ZMYND19: variants seen among roughly 807,000 people sequenced by gnomAD.
ZMYND19 encodes the protein zinc finger MYND-type containing 19.
Under a neutral mutation model 32.0 loss-of-function variants are expected in ZMYND19, and 17 were observed. That is an observed-to-expected ratio of 0.53 (90% CI 0.36 to 0.80). ZMYND19 has a LOEUF of 0.80. Ranked by LOEUF, ZMYND19 falls within the 30% of genes least tolerant of loss-of-function variation. The pLI is 0.00. For missense variants in ZMYND19, 250 were observed against 293.6 expected (o/e 0.85, Z 1.09); for synonymous variants, 124 against 113.6 (o/e 1.09, Z -0.58).
At chr9:137,585,427 A>G (rs923386335) in intron 4 of ZMYND19, among the ~76,000 whole-genome samples, 30 of 146,162 alleles carry the variant, frequency 2.1e-4, no homozygotes, top group African/African-American at 6.8e-4. Context: ...AAAAAAAAAA[A>G]AAAAAAAATG....
rs1842222898 is a variant in ZMYND19, at chr9:137,587,794, A to G, written c.141T>C (p.Asn47=). 1 of 1,614,036 alleles carries G rather than the reference A, an allele frequency of 6.2e-7. No individual in the cohort carries two copies. Among genetic ancestry groups the G allele is most frequent in the African/African-American group, 1.3e-5 (1 of 74,938 alleles). ...EARMEVDADG[N]GAKIFAYAFD... ...AGGCATAGGCAAATATCTTAGCACC[A>G]TTTCCATCTGCATCCACTTCCATTC... The change falls in exon 3 of 6, where the codon AAT becomes AAC. Residue 47 remains asparagine (N), a synonymous_variant. Transcript: ENST00000298585.
intron 3 of ZMYND19, 143 bp downstream of exon 3, chr9:137,587,574 G>T: frequency 1.4e-6 from 1 of 728,454 alleles, no homozygotes; most frequent in Non-Finnish European, 2.4e-6. Context: ...TTGGGTTAGT[G>T]GTGAAGGACA....
At chr9:137,586,449 G>A (rs576968546) in intron 4 of ZMYND19, among the ~76,000 whole-genome samples, 8 of 151,462 alleles carry the variant, frequency 5.3e-5, no homozygotes, top group South Asian at 2.1e-4. Flanking sequence ...AAGGAATCCC[G>A]AGGTGAGGAG....
Position 137,590,245 on chromosome 9 carries a change from C to A in ZMYND19, c.19G>T (p.Gly7Cys). ...GCCACCCGGCCGAGCCGCACGATAC[C>A]CAATTTGAAGTCGGTCATGGCCGGG... is the stretch of plus-strand genomic sequence containing the variant. MTDFKL[G>C]IVRLGRVAGK... Residue 7 changes from glycine to cysteine, a missense_variant, in exon 1 of 6, where the codon GGT (glycine) becomes TGT (cysteine). Gly to Cys is a radical substitution (Grantham distance 159). Transcript: ENST00000298585. This position sits in a 1 kb window ranked among gnomAD's most constrained non-coding sequence, Gnocchi z 4.2. 8.6e-7 allele frequency: 1 copy of A among 1,157,616 alleles called. No homozygotes were observed. Among genetic ancestry groups the A allele is most frequent in the Non-Finnish European group, 1.1e-6 (1 of 923,974 alleles). 71.7% of individuals were successfully genotyped at this position (1,157,616 alleles called of 1,614,324 possible).
intron 4 of ZMYND19, among the ~76,000 whole-genome samples, chr9:137,584,994 G>A (rs899683510): frequency 2.4e-4 from 36 of 152,094 alleles, no homozygotes; most frequent in Admixed American, 2.6e-4. Context: ...CATAATCCCC[G>A]AAAGAATAAA....
chr9:137,582,975 A>G lies in ZMYND19; in HGVS notation c.540+8T>C. ...GCCAGGGACGCGACCGCACTGCAGC[A>G]CACCCACCTGCTTCTCAATCACTGT... On this transcript the variant is annotated splice_region_variant and intron_variant, in intron 5 of 5. Transcript: ENST00000298585. The G allele has an allele frequency of 1.2e-6, 2 of 1,613,910 alleles. No individual in the cohort carries two copies. Among genetic ancestry groups the G allele is most frequent in the Middle Eastern group, 1.7e-4 (1 of 6,040 alleles).
rs1842160588 is a variant in ZMYND19, at chr9:137,582,680, C to G, written c.547G>C (p.Glu183Gln). Residue 183 changes from glutamate (E) to glutamine (Q), a missense_variant, in exon 6 of 6, where the codon GAG becomes CAG. Around this residue, in one of 2 missense-constraint regions of ZMYND19, gnomAD observed 38 missense variants for 74.9 expected, o/e 0.51. Coordinates refer to ENST00000298585, the MANE Select transcript of ZMYND19 (RefSeq NM_138462.3). The part of the protein sequence containing the change: ...PCTVIEKQLR[E>Q]FNICGRCQVA... Reference sequence around the variant, plus strand: ...TGGCAGCGCCCACAGATGTTGAACTCCCGGAGCTGAAATACAGAACACCTG... The same window carrying G: ...TGGCAGCGCCCACAGATGTTGAACTGCCGGAGCTGAAATACAGAACACCTG... 1.9e-6 allele frequency: 3 copies of G among 1,612,632 alleles called. No homozygotes were observed. Among genetic ancestry groups the G allele is most frequent in the Non-Finnish European group, 2.5e-6 (3 of 1,179,916 alleles).
chr9:137,583,761 C>G (rs1472535426), intron 4 of ZMYND19, among the ~76,000 whole-genome samples: 1 of 152,218 alleles, frequency 6.6e-6, no homozygotes, highest in Admixed American at 6.5e-5. Flanking sequence ...TTGGTTAAAA[C>G]GGGGAAGGAT....
At chr9:137,584,271 T>C (rs904805671) in intron 4 of ZMYND19, among the ~76,000 whole-genome samples, 1 of 152,202 alleles carries the variant, frequency 6.6e-6, no homozygotes, top group African/African-American at 2.4e-5. Flanking sequence ...CAGGCCCACC[T>C]CCTGTAGCAG....
intron 1 of ZMYND19, chr9:137,589,601 A>C (rs1374123212): frequency 3.0e-6 from 3 of 985,326 alleles, no homozygotes; most frequent in African/African-American, 1.7e-5. Flanking sequence ...GGGCCAAGTA[A>C]GAAGAGAAGT....
intron 1 of ZMYND19, chr9:137,589,376 T>C: frequency 1.0e-6 from 1 of 985,428 alleles, no homozygotes; most frequent in Non-Finnish European, 1.2e-6. Flanking sequence ...CTTGGCAGTT[T>C]TTCTTCTGGG....
intron 1 of ZMYND19, chr9:137,589,423 C>T: frequency 1.0e-6 from 1 of 985,462 alleles, no homozygotes; most frequent in Non-Finnish European, 1.2e-6. Flanking sequence ...CCTGACACTG[C>T]CTCGGCTCCT....
rs753555779 is a variant in ZMYND19, at chr9:137,582,149, G to A, written c.*394C>T. 8.9e-5 allele frequency: 15 copies of A among 167,734 alleles called. No individual in the cohort carries two copies. Among genetic ancestry groups the A allele is most frequent in the South Asian group, 1.6e-4 (1 of 6,190 alleles). 10.4% of individuals were successfully genotyped at this position (167,734 alleles called of 1,614,324 possible). ...GCAGGCCGCGCTCCACGGGGCTCCCGGCGGCCCAGGGGAGAAGCTTCGACA... is the reference window on the plus strand; with the variant it reads ...GCAGGCCGCGCTCCACGGGGCTCCCAGCGGCCCAGGGGAGAAGCTTCGACA... On this transcript the variant is annotated 3_prime_UTR_variant, in exon 6 of 6. Transcript: ENST00000298585.
chr9:137,587,572 G>C, intron 3 of ZMYND19, 145 bp downstream of exon 3: 1 of 720,944 alleles, frequency 1.4e-6, no homozygotes, highest in South Asian at 1.6e-5. Context: ...CTTTGGGTTA[G>C]TGGTGAAGGA....
intron 5 of ZMYND19, 37 bp from the exon 6 acceptor site, chr9:137,582,723 C>A: frequency 6.2e-7 from 1 of 1,604,124 alleles, no homozygotes. Flanking sequence ...ACCATCATGC[C>A]TGGGACGCAG....
intron 4 of ZMYND19, among the ~76,000 whole-genome samples, chr9:137,584,690 G>A (rs192916547): frequency 9.8e-5 from 15 of 152,288 alleles, no homozygotes; most frequent in Admixed American, 9.8e-4. Flanking sequence ...TGCCAAGCAC[G>A]CCTTCCCCTT....
rs2353078 is a variant in ZMYND19 at position 137,590,065 on chromosome 9, C to T, written c.51+148G>A. 141,597 of 984,182 alleles carry T rather than the reference C, an allele frequency of 0.14. 10,917 individuals carry two copies. The highest frequency in any genetic ancestry group is 0.32 in the Admixed American group (5,120 of 16,124). 61.0% of individuals were successfully genotyped at this position (984,182 alleles called of 1,614,324 possible). A position where few individuals can be genotyped will look rare whatever the true frequency, so the allele number is the denominator to read the frequency against. ...AGCTGCACCCGCGCGGGGCCAGCAG[C>T]CGGGCCCGCGCAGCGTCCCCCGCCC... is the stretch of plus-strand genomic sequence containing the variant. On this transcript the variant is annotated intron_variant, in intron 1 of 5. Transcript: ENST00000298585. The surrounding 1 kb of genome is among the most constrained non-coding windows in gnomAD (Gnocchi z 4.2).
In ZMYND19 at chr9:137,588,073, G is replaced by A. The variant is rs190222819; in HGVS notation, c.112-250C>T. On this transcript the variant is annotated intron_variant, in intron 2 of 5. Transcript: ENST00000298585. ...ACTCTGCAAAATACAATGGGACATA[G>A]ACAAATACATTTTCCTACCCTTAAA... 6.7e-4 allele frequency among the ~76,000 whole-genome samples: 102 copies of A among 152,326 alleles called. 1 individual carries two copies. Among genetic ancestry groups the A allele is most frequent in the Non-Finnish European group, 1.2e-3 (81 of 68,032 alleles).
Position 137,590,066 on chromosome 9 carries a change from C to G in ZMYND19, c.51+147G>C, listed in dbSNP as rs1842254814. On this transcript the variant is annotated intron_variant, in intron 1 of 5. Coordinates refer to ENST00000298585, the MANE Select transcript of ZMYND19 (RefSeq NM_138462.3). This position sits in a 1 kb window ranked among gnomAD's most constrained non-coding sequence, Gnocchi z 4.2. The stretch of plus-strand genomic sequence containing the variant: ...GCTGCACCCGCGCGGGGCCAGCAGC[C>G]GGGCCCGCGCAGCGTCCCCCGCCCC... 3 of 983,378 alleles carry G rather than the reference C, an allele frequency of 3.1e-6. No homozygotes were observed. Among genetic ancestry groups the G allele is most frequent in the African/African-American group, 3.5e-5 (2 of 56,910 alleles). 60.9% of individuals were successfully genotyped at this position (983,378 alleles called of 1,614,324 possible).
Sources: gnomAD v4.1 joint callset for allele counts (sites outside exome capture counted in the v4.1 genomes callset) on GRCh38, gnomAD v4.1.1 for gene constraint, gnomAD v4.1.1 regional missense constraint, Gnocchi (gnomAD v3.1) non-coding constraint, MANE v1.5 for transcripts, NCBI Gene and HGNC (gene_info 2026-07-23, HGNC 2026-07-21) for gene names.